BCR: variants seen among roughly 807,000 people sequenced by gnomAD.
BCR encodes the protein BCR activator of RhoGEF and GTPase.
In BCR, 58 loss-of-function variants were observed where a neutral mutation model predicts 138.6. The observed-to-expected ratio is 0.42, with a 90% CI of 0.34 to 0.52. The LOEUF is 0.52. BCR is among the 20% of genes least tolerant of loss of function. The pLI, the probability that BCR is intolerant of heterozygous loss-of-function variation, is 0.06. For synonymous variants in BCR, 786 were observed against 730.1 expected, an observed-to-expected ratio of 1.08 and a Z score of -1.23; for missense variants, 1,599 against 1,727.2, an observed-to-expected ratio of 0.93 and a Z score of 1.32.
intron 1 of BCR, among the ~76,000 whole-genome samples, chr22:23,217,972 G>A (rs550901626): frequency 6.6e-6 from 1 of 152,292 alleles, no homozygotes; most frequent in East Asian, 1.9e-4. Context: ...GGAGAGTCAG[G>A]CCCTGCAGGG....
intron 2 of BCR, chr22:23,254,635 C>G (rs1261943766): frequency 1.9e-6 from 1 of 517,000 alleles, no homozygotes; most frequent in African/African-American, 1.9e-5. Flanking sequence ...CCGCCCGGCC[C>G]TGCATGAAGT....
At chr22:23,287,986 G>A in intron 11 of BCR, 111 bp from the exon 12 acceptor site, 1 of 1,039,908 alleles carries the variant, frequency 9.6e-7, no homozygotes, top group Non-Finnish European at 1.5e-6. Context: ...TGGCCACTGG[G>A]CTCCAGCCGG....
At chr22:23,245,529 G>A (rs372348442) in intron 1 of BCR, among the ~76,000 whole-genome samples, 6 of 152,116 alleles carry the variant, frequency 3.9e-5, no homozygotes, top group East Asian at 1.9e-4. Context: ...GCCAGGGTGC[G>A]GTGGCTAACT....
intron 4 of BCR, chr22:23,264,229 C>T (rs1434615310): frequency 1.9e-6 from 2 of 1,039,838 alleles, no homozygotes; most frequent in East Asian, 4.7e-5. Context: ...CACCAAAGGG[C>T]CTGCCCGCAC....
chr22:23,299,120 C>G (rs1223136803), intron 16 of BCR, among the ~76,000 whole-genome samples: 1 of 151,636 alleles, frequency 6.6e-6, no homozygotes, highest in Non-Finnish European at 1.5e-5. Flanking sequence ...CCTCAGCCTC[C>G]CGAGTAGCCG....
At chr22:23,212,487 T>A (rs1319631132) in intron 1 of BCR, among the ~76,000 whole-genome samples, 1 of 152,218 alleles carries the variant, frequency 6.6e-6, no homozygotes, top group East Asian at 1.9e-4. Context: ...GATGGAGTTG[T>A]TGCTGCATAG....
At chr22:23,256,578 A>T (rs1447634787) in intron 2 of BCR, among the ~76,000 whole-genome samples, 1 of 152,118 alleles carries the variant, frequency 6.6e-6, no homozygotes, top group East Asian at 1.9e-4. Flanking sequence ...TGCCCAGAGC[A>T]AGAGGGTCCT....
rs2073470229 is a variant in BCR at position 23,268,404 on chromosome 22, T to A, written c.1753-4T>A. 6.2e-7 allele frequency: 1 copy of A among 1,607,654 alleles called. No individual in the cohort carries two copies. The highest frequency in any genetic ancestry group is 8.5e-7 in the Non-Finnish European group (1 of 1,176,888). On this transcript the variant is annotated splice_polypyrimidine_tract_variant and splice_region_variant and intron_variant, in intron 4 of 22. Transcript: ENST00000305877. ...CCCACTCTCTCTTCCTTCCTCCCCC[T>A]CAGGCCAGCCAGCTGGGTGTGTACC...
At chr22:23,290,434 G>C (rs9608101) in intron 14 of BCR, 21 bp downstream of exon 14, 354,993 of 1,610,186 alleles carry the variant, frequency 0.22, 41,490 homozygotes, top group Middle Eastern at 0.32. Flanking sequence ...GTTTGGGGAG[G>C]AGGGTTGCAG....
At chr22:23,271,123 C>T (rs1047030290) in intron 5 of BCR, among the ~76,000 whole-genome samples, 2 of 152,234 alleles carry the variant, frequency 1.3e-5, no homozygotes, top group African/African-American at 4.8e-5. Context: ...CAGAGGATCT[C>T]AGCCAGGCGT....
intron 1 of BCR, among the ~76,000 whole-genome samples, chr22:23,238,100 T>C (rs1351915946): frequency 6.6e-6 from 1 of 151,956 alleles, no homozygotes; most frequent in Non-Finnish European, 1.5e-5. Flanking sequence ...GGTGGGAACA[T>C]TGAGAGATGA....
intron 2 of BCR, among the ~76,000 whole-genome samples, chr22:23,260,237 T>C (rs12158423): frequency 1.4e-4 from 22 of 152,304 alleles, no homozygotes; most frequent in African/African-American, 5.1e-4. Flanking sequence ...CAGTAGAGCT[T>C]CCCTGAACTT....
In BCR at chr22:23,316,588, AT is replaced by A. The variant is rs2074074191; in HGVS notation, c.*1067del. 1 of 176,224 alleles carries A rather than the reference AT, an allele frequency of 5.7e-6. No homozygotes were observed. The highest frequency in any genetic ancestry group is 1.2e-5 in the Non-Finnish European group (1 of 82,410). The allele number at this position is 176,224 out of a possible 1,614,324, so 10.9% of individuals were successfully genotyped here. ...ATACCTAATAAGATGCTGGAATGTA[AT>A]CCCTGGACAATCCGTGTCCTGGCAG... On this transcript the variant is annotated 3_prime_UTR_variant, in exon 23 of 23. Transcript: ENST00000305877.
At chr22:23,313,119 T>C in intron 20 of BCR, 98 bp downstream of exon 20, 1 of 1,421,320 alleles carries the variant, frequency 7.0e-7, no homozygotes, top group Non-Finnish European at 9.5e-7. Context: ...ACCCAAGCTG[T>C]GCCCCCTCTG....
intron 8 of BCR, among the ~76,000 whole-genome samples, chr22:23,278,558 C>T (rs1239011376): frequency 6.6e-6 from 1 of 152,262 alleles, no homozygotes; most frequent in East Asian, 1.9e-4. Flanking sequence ...GAAACCCCGT[C>T]TCCACTAAAA....
intron 16 of BCR, among the ~76,000 whole-genome samples, chr22:23,298,450 A>T (rs131681): frequency 1 from 152,293 of 152,294 alleles, 76,146 homozygotes; most frequent in Non-Finnish European, 1. Flanking sequence ...TCTTTGTCAC[A>T]CCCCCACCAC....
chr22:23,304,912 C>G (rs1251771585), intron 16 of BCR, among the ~76,000 whole-genome samples: 4 of 152,102 alleles, frequency 2.6e-5, no homozygotes, highest in Admixed American at 6.5e-5. Context: ...GTCAGGAGTT[C>G]AAGACCAGCC....
chr22:23,313,943 A>G (rs1161553846), intron 20 of BCR, 25 bp from the exon 21 acceptor site: 2 of 1,601,492 alleles, frequency 1.2e-6, no homozygotes, highest in Non-Finnish European at 1.7e-6. Context: ...TGTGACCCCA[A>G]GGAGTAACCC....
intron 1 of BCR, chr22:23,199,117 C>T (rs1416532721): frequency 1.6e-5 from 5 of 315,026 alleles, no homozygotes; most frequent in Admixed American, 8.6e-5. Context: ...AACGAAACTC[C>T]GTCTCAAAAA....
Sources: allele counts gnomAD v4.1 joint callset (sites outside exome capture counted in the v4.1 genomes callset), GRCh38; gene constraint gnomAD v4.1.1; transcripts MANE v1.5; gene names NCBI Gene and HGNC (gene_info 2026-07-23, HGNC 2026-07-21).